FNDC3B: variants seen among roughly 807,000 people sequenced by gnomAD.
FNDC3B encodes the protein fibronectin type III domain containing 3B, also known as fibronectin type III domain-containing protein 3B.
A neutral mutation model predicts 151.5 loss-of-function variants in FNDC3B; 12 were observed. The observed-to-expected ratio is 0.08, with a 90% CI of 0.05 to 0.13. The LOEUF is 0.13. FNDC3B is among the 10% of genes least tolerant of loss of function. FNDC3B has a pLI of 1.00. For missense variants in FNDC3B, 1,214 were observed against 1,505.3 expected, an observed-to-expected ratio of 0.81 and a Z score of 3.20; for synonymous variants, 528 against 549.0, an observed-to-expected ratio of 0.96 and a Z score of 0.54.
intron 6 of FNDC3B, among the ~76,000 whole-genome samples, chr3:172,278,876 G>A (rs574054687): frequency 7.9e-5 from 12 of 152,068 alleles, no homozygotes; most frequent in African/African-American, 2.4e-4. Context: ...GCAGAAAGCC[G>A]AGATCGCACC....
At chr3:172,367,665 G>A (rs981098414) in intron 23 of FNDC3B, among the ~76,000 whole-genome samples, 15 of 152,220 alleles carry the variant, frequency 9.9e-5, no homozygotes, top group Admixed American at 9.2e-4. Flanking sequence ...GAAATGTTAT[G>A]CTGCCCTAAC....
intron 2 of FNDC3B, among the ~76,000 whole-genome samples, chr3:172,132,942 A>G (rs187879457): frequency 1.3e-3 from 194 of 152,304 alleles, no homozygotes; most frequent in African/African-American, 4.4e-3. Context: ...CCTATTTATA[A>G]TATTTATTTA....
chr3:172,308,845 T>TTGTAAA (rs1314738823), intron 10 of FNDC3B, among the ~76,000 whole-genome samples: 1 of 152,216 alleles, frequency 6.6e-6, no homozygotes, highest in Admixed American at 6.5e-5. Flanking sequence ...TGCTCTATAT[T>TTGTAAA]TACACATACA....
At chr3:172,055,103 T>G (rs3180664) in intron 1 of FNDC3B, among the ~76,000 whole-genome samples, 98,421 of 151,958 alleles carry the variant, frequency 0.65, 32,090 homozygotes, top group East Asian at 0.79. Flanking sequence ...CATTTTTAAA[T>G]AAATTACTAT....
intron 11 of FNDC3B, among the ~76,000 whole-genome samples, chr3:172,320,944 C>G (rs1176576405): frequency 6.6e-6 from 1 of 152,224 alleles, no homozygotes. Context: ...TTCAACTACA[C>G]ACTTTTACAA....
At chr3:172,365,355 T>G (rs1009638576) in intron 23 of FNDC3B, among the ~76,000 whole-genome samples, 1 of 152,194 alleles carries the variant, frequency 6.6e-6, no homozygotes, top group Non-Finnish European at 1.5e-5. Context: ...AGTAAGTTCT[T>G]CTTATGCATG....
rs143670140 is a variant in FNDC3B, at chr3:172,142,596, C to T, written c.187+9050C>T. 6.3e-3 allele frequency among the ~76,000 whole-genome samples: 961 copies of T among 152,328 alleles called. 2 individuals carry two copies. Among genetic ancestry groups the T allele is most frequent in the Non-Finnish European group, 9.2e-3 (623 of 68,020 alleles). ...ATTTTTTACTCTTGTTCTTGCACTTCCAACCTGAAATAGAAAAGTTCATGT... is the reference window on the plus strand; with the variant it reads ...ATTTTTTACTCTTGTTCTTGCACTTTCAACCTGAAATAGAAAAGTTCATGT... On this transcript the variant is annotated intron_variant, in intron 3 of 25. Coordinates refer to ENST00000415807, the MANE Select transcript of FNDC3B (RefSeq NM_022763.4).
chr3:172,242,610 G>A (rs973694902), intron 4 of FNDC3B, among the ~76,000 whole-genome samples: 18 of 152,144 alleles, frequency 1.2e-4, no homozygotes, highest in African/African-American at 4.1e-4. Context: ...TGGGATGCAG[G>A]GCACCAAGTC....
intron 1 of FNDC3B, among the ~76,000 whole-genome samples, chr3:172,043,530 G>GT (rs1364803652): frequency 2.6e-5 from 4 of 151,826 alleles, no homozygotes; most frequent in East Asian, 1.9e-4. Context: ...TATTATTATT[G>GT]TTTTTTTGTA....
chr3:172,087,837 G>A (rs1444586361), intron 1 of FNDC3B, among the ~76,000 whole-genome samples: 2 of 152,118 alleles, frequency 1.3e-5, no homozygotes, highest in Non-Finnish European at 2.9e-5. Context: ...TCTGTAGCAC[G>A]TGAAGGCTGA....
At chr3:172,330,909 G>A (rs1328109415) in intron 13 of FNDC3B, among the ~76,000 whole-genome samples, 194 bp downstream of exon 13, 4 of 152,012 alleles carry the variant, frequency 2.6e-5, no homozygotes, top group African/African-American at 9.7e-5. Flanking sequence ...CTTTCAGCTG[G>A]GGAAGCAAAA....
intron 23 of FNDC3B, among the ~76,000 whole-genome samples, chr3:172,368,582 C>A (rs1035818813): frequency 6.6e-6 from 1 of 152,214 alleles, no homozygotes; most frequent in African/African-American, 2.4e-5. Context: ...CTGTTGAAAT[C>A]TCAGAACTGT....
At chr3:172,283,431 G>GTT (rs1399703489) in intron 6 of FNDC3B, among the ~76,000 whole-genome samples, 1 of 152,168 alleles carries the variant, frequency 6.6e-6, no homozygotes, top group African/African-American at 2.4e-5. Context: ...TCCTGAGGAT[G>GTT]TTTTATTTGC....
chr3:172,372,336 A>G (rs141036793), intron 23 of FNDC3B, among the ~76,000 whole-genome samples: 310 of 152,224 alleles, frequency 2.0e-3, no homozygotes, highest in African/African-American at 7.2e-3. Flanking sequence ...CCTCAGAGAT[A>G]TTGCCAGCGT....
chr3:172,262,894 C>CAAAAAAAAAAAAAAAA (rs67891835), intron 6 of FNDC3B, among the ~76,000 whole-genome samples: 11 of 60,612 alleles, frequency 1.8e-4, no homozygotes, highest in African/African-American at 5.8e-4. Context: ...GAGACCGACT[C>CAAAAAAAAAAAAAAAA]AAAAAAAAAA....
intron 3 of FNDC3B, among the ~76,000 whole-genome samples, chr3:172,182,276 T>A (rs927049834): frequency 4.6e-5 from 7 of 151,774 alleles, no homozygotes; most frequent in Admixed American, 1.3e-4. Flanking sequence ...AACACGGAGG[T>A]CAGGAGGAAG....
chr3:172,360,831 A>G (rs73037027), intron 22 of FNDC3B, among the ~76,000 whole-genome samples: 7,004 of 152,254 alleles, frequency 0.046, 551 homozygotes, highest in African/African-American at 0.16. Context: ...TGATTACTGT[A>G]GCTTTATACT....
At chr3:172,116,613 T>C (rs1300656904) in intron 2 of FNDC3B, among the ~76,000 whole-genome samples, 1 of 152,238 alleles carries the variant, frequency 6.6e-6, no homozygotes, top group Non-Finnish European at 1.5e-5. Context: ...TTGCCCAGGC[T>C]GGAGTGCAAT....
chr3:172,344,174 T>G lies in FNDC3B; in HGVS notation c.2166T>G (p.His722Gln). The change falls in exon 19 of 26, where the codon CAT becomes CAG. Residue 722 changes from histidine (H) to glutamine (Q), a missense_variant. Transcript: ENST00000415807. ...AAGACGTAGCCTCGGAAGTGTACCA[T>G]GGCCCAGAGCTGGAGTGCACCGTCG... ...EPEDVASEVYHGPELECTVGN... is the reference protein window; with the variant it reads ...EPEDVASEVYQGPELECTVGN... 6.2e-7 allele frequency: 1 copy of G among 1,614,172 alleles called. No homozygotes were observed. Among genetic ancestry groups the G allele is most frequent in the Non-Finnish European group, 8.5e-7 (1 of 1,180,004 alleles).
Sources: allele counts gnomAD v4.1 joint callset (sites outside exome capture counted in the v4.1 genomes callset), GRCh38; gene constraint gnomAD v4.1.1; transcripts MANE v1.5; gene names NCBI Gene and HGNC (gene_info 2026-07-23, HGNC 2026-07-21).